Variants in PTPRT observed in about 807,000 individuals in gnomAD.
PTPRT encodes the protein protein tyrosine phosphatase receptor type T.
Under a neutral mutation model 176.8 loss-of-function variants are expected in PTPRT, and 56 were observed. That is an observed-to-expected ratio of 0.32 (90% CI 0.26 to 0.40). PTPRT has a LOEUF of 0.40. Ranked by LOEUF, PTPRT falls within the 10% of genes least tolerant of loss-of-function variation. PTPRT has a pLI of 1.00. For synonymous variants in PTPRT, 783 were observed against 739.0 expected (o/e 1.06, Z -0.96); for missense variants, 1,540 against 1,908.2 (o/e 0.81, Z 3.60).
chr20:43,065,986 T>C (rs565326618), intron 1 of PTPRT, among the ~76,000 whole-genome samples: 1 of 152,314 alleles, frequency 6.6e-6, no homozygotes, highest in African/African-American at 2.4e-5. Flanking sequence ...CAGTCCACCT[T>C]GTCAGCTCTG....
intron 1 of PTPRT, among the ~76,000 whole-genome samples, chr20:43,092,682 C>T (rs909941173): frequency 6.6e-6 from 1 of 152,154 alleles, no homozygotes; most frequent in African/African-American, 2.4e-5. Context: ...AATTTTGACG[C>T]AAGACACTCC....
At chr20:42,618,137 G>T (rs1234565014) in intron 7 of PTPRT, among the ~76,000 whole-genome samples, 1 of 134,422 alleles carries the variant, frequency 7.4e-6, no homozygotes, top group Non-Finnish European at 1.6e-5. Context: ...CTGGTATGTC[G>T]TGTCTTTGTT....
At chr20:42,790,142 A>G (rs1420558860) in intron 3 of PTPRT, among the ~76,000 whole-genome samples, 1 of 152,190 alleles carries the variant, frequency 6.6e-6, no homozygotes, top group African/African-American at 2.4e-5. Context: ...TGCACAATTC[A>G]ATAGGTTTTC....
intron 28 of PTPRT, among the ~76,000 whole-genome samples, chr20:42,085,420 G>A (rs1983788741): frequency 6.6e-6 from 1 of 152,226 alleles, no homozygotes; most frequent in Non-Finnish European, 1.5e-5. Context: ...ATCAAAGGCT[G>A]CATCAACTCA....
chr20:42,343,923 G>A (rs555694905), intron 11 of PTPRT, among the ~76,000 whole-genome samples: 63 of 152,278 alleles, frequency 4.1e-4, no homozygotes, highest in Non-Finnish European at 6.2e-4. Flanking sequence ...GTTTTGAGAC[G>A]GAGTCTCGCT....
At chr20:42,574,501 C>A (rs937476281) in intron 7 of PTPRT, among the ~76,000 whole-genome samples, 2 of 152,172 alleles carry the variant, frequency 1.3e-5, no homozygotes, top group African/African-American at 4.8e-5. Context: ...GGGATTGTTT[C>A]CTGGCCTCCA....
chr20:42,564,651 A>T (rs1450796781), intron 7 of PTPRT, among the ~76,000 whole-genome samples: 1 of 152,158 alleles, frequency 6.6e-6, no homozygotes, highest in Non-Finnish European at 1.5e-5. Context: ...GAAGGGCTCA[A>T]AACCTAGATG....
At chr20:42,086,626 A>G (rs936943041) in intron 27 of PTPRT, among the ~76,000 whole-genome samples, 1 of 149,140 alleles carries the variant, frequency 6.7e-6, no homozygotes, top group Non-Finnish European at 1.5e-5. Context: ...TCAGATCAGA[A>G]GTAGTGTAAA....
At chr20:42,859,572 TATTTTTTTTTTTA>T (rs1270407304) in intron 2 of PTPRT, among the ~76,000 whole-genome samples, 3 of 147,136 alleles carry the variant, frequency 2.0e-5, no homozygotes, top group Non-Finnish European at 4.4e-5. Context: ...TCAGTTTGTT[TATTTTTTTTTTTA>T]ATTTTTTTTT....
At chr20:42,894,140 C>T (rs968321208) in intron 1 of PTPRT, among the ~76,000 whole-genome samples, 6 of 151,854 alleles carry the variant, frequency 4.0e-5, no homozygotes, top group African/African-American at 7.3e-5. Flanking sequence ...TCTAAGGAAG[C>T]GCCATAAGGC....
At chr20:42,598,224 C>T (rs2073709658) in intron 7 of PTPRT, among the ~76,000 whole-genome samples, 2 of 152,120 alleles carry the variant, frequency 1.3e-5, no homozygotes, top group South Asian at 2.1e-4. Flanking sequence ...TCCATCTACA[C>T]TTATATTTAT....
chr20:42,169,447 G>A (rs759779097), intron 16 of PTPRT, among the ~76,000 whole-genome samples: 2 of 151,928 alleles, frequency 1.3e-5, no homozygotes, highest in Admixed American at 6.6e-5. Context: ...AACATCCATT[G>A]CTCCTCTTGC....
intron 27 of PTPRT, among the ~76,000 whole-genome samples, chr20:42,087,535 C>G (rs1984104730): frequency 6.6e-6 from 1 of 150,566 alleles, no homozygotes; most frequent in Non-Finnish European, 1.5e-5. Context: ...GTGTGAGCCA[C>G]TGCACCTGGC....
chr20:42,322,922 T>A (rs972871779), intron 11 of PTPRT, among the ~76,000 whole-genome samples: 18 of 151,526 alleles, frequency 1.2e-4, no homozygotes, highest in South Asian at 2.1e-4. Context: ...AGAAAAAAAC[T>A]AACAACCCCA....
At chr20:42,050,350 A>T in the PTPRT span, among the ~76,000 whole-genome samples, 2 of 152,164 alleles carry the variant, frequency 1.3e-5, no homozygotes, top group Non-Finnish European at 2.9e-5. Flanking sequence ...CTTTACAGAG[A>T]TACCCCCATT....
intron 6 of PTPRT, among the ~76,000 whole-genome samples, chr20:42,691,126 C>T (rs1181650448): frequency 5.3e-5 from 8 of 152,196 alleles, no homozygotes; most frequent in Non-Finnish European, 2.9e-5. Flanking sequence ...TCAATGTCAG[C>T]TTTATGCATG....
chr20:43,007,677 T>C (rs1173732959), intron 1 of PTPRT, among the ~76,000 whole-genome samples: 1 of 152,100 alleles, frequency 6.6e-6, no homozygotes, highest in Non-Finnish European at 1.5e-5. Flanking sequence ...GGCTTCTCAG[T>C]TTGTTGATGT....
At chr20:42,363,609 CTATTACAATAA>C (rs2058472292) in intron 9 of PTPRT, among the ~76,000 whole-genome samples, 1 of 151,916 alleles carries the variant, frequency 6.6e-6, no homozygotes, top group Non-Finnish European at 1.5e-5. Flanking sequence ...CGTGCCCGGC[CTATTACAATAA>C]TATTAACAAC....
At chr20:42,659,160 C>CA (rs1167646033) in intron 7 of PTPRT, among the ~76,000 whole-genome samples, 4 of 152,130 alleles carry the variant, frequency 2.6e-5, no homozygotes, top group Non-Finnish European at 5.9e-5. Context: ...CCACTATATA[C>CA]AGCAGAAGTT....
Sources: gnomAD v4.1 joint callset for allele counts (sites outside exome capture counted in the v4.1 genomes callset) on GRCh38, gnomAD v4.1.1 for gene constraint, MANE v1.5 for transcripts, NCBI Gene and HGNC (gene_info 2026-07-23, HGNC 2026-07-21) for gene names.